Variants in SPAG16 observed in about 807,000 individuals in gnomAD.
SPAG16 encodes sperm associated antigen 16.
In SPAG16, 86 loss-of-function variants were observed where a neutral mutation model predicts 80.4. The observed-to-expected ratio is 1.07, with a 90% confidence interval of 0.90 to 1.28. The LOEUF (loss-of-function observed/expected upper bound fraction) is 1.28, where lower values mean the gene tolerates loss of function less well. Among genes scored for constraint, SPAG16 ranks in the 50% most tolerant of loss-of-function variants. The probability of loss-of-function intolerance (pLI) is 0.00; values close to 1 mark genes in which losing one functional copy is unlikely to be tolerated. For missense variants in SPAG16, 870 were observed against 765.3 expected (o/e 1.14, Z -1.61); for synonymous variants, 294 against 265.9 (o/e 1.11, Z -1.03).
intron 12 of SPAG16, 147 bp downstream of exon 12, chr2:213,930,292 T>G (rs1381679580): frequency 2.0e-6 from 1 of 500,368 alleles, no homozygotes; most frequent in Admixed American, 4.0e-5. Flanking sequence ...GAGAGCTACT[T>G]AAATAATCTT....
At chr2:213,354,570 A>G (rs1168110831) in intron 7 of SPAG16, among the ~76,000 whole-genome samples, 1 of 152,144 alleles carries the variant, frequency 6.6e-6, no homozygotes, top group Non-Finnish European at 1.5e-5. Context: ...CTTTTTAATG[A>G]TCGCCATTGC....
At chr2:213,859,178 CAAAAAAAAAAAAAA>C (rs1165853142) in intron 10 of SPAG16, among the ~76,000 whole-genome samples, 2 of 9,364 alleles carry the variant, frequency 2.1e-4, no homozygotes, top group African/African-American at 9.9e-4. Context: ...CACTCCGTCT[CAAAAAAAAAAAAAA>C]AAAAAAAAAA....
intron 3 of SPAG16, among the ~76,000 whole-genome samples, chr2:213,303,717 T>C (rs1202725346): frequency 1.3e-5 from 2 of 152,162 alleles, no homozygotes; most frequent in Non-Finnish European, 2.9e-5. Context: ...ATCTCATTCT[T>C]TTTGATGGCT....
chr2:214,248,319 AT>A (rs1401625195), intron 15 of SPAG16, among the ~76,000 whole-genome samples: 1 of 120,708 alleles, frequency 8.3e-6, no homozygotes, highest in East Asian at 2.3e-4. Context: ...TATTATTATT[AT>A]TATTATTATT....
At position 213,620,281 on chromosome 2, in the gene SPAG16, GTTTTTTTTTT is replaced by G. The variant is rs36059669; in HGVS notation, c.1070+130211_1070+130220del. ...AATGTAGTTAACAATAATTTATTGA[GTTTTTTTTTT>G]TTTTTTTTTTTTTTTTTTTGAGACG... On this transcript the variant is annotated intron_variant, in intron 10 of 15. Coordinates refer to ENST00000331683, the MANE Select transcript of SPAG16 (RefSeq NM_024532.5). 1.7e-3 allele frequency among the ~76,000 whole-genome samples: 141 copies of G among 82,824 alleles called. 1 individual carries two copies. The highest frequency in any genetic ancestry group is 5.9e-3 in the African/African-American group (112 of 18,970). The allele number at this position is 82,824 out of a possible 152,430, so 54.3% of individuals were successfully genotyped here. A position where few individuals can be genotyped will look rare whatever the true frequency, so the allele number is the denominator to read the frequency against.
intron 12 of SPAG16, among the ~76,000 whole-genome samples, chr2:213,943,777 G>A (rs2079317268): frequency 6.6e-6 from 1 of 152,092 alleles, no homozygotes. Context: ...CATGTTGCAG[G>A]GGAACACAAG....
At chr2:213,298,643 G>A (rs1214419946) in intron 3 of SPAG16, among the ~76,000 whole-genome samples, 1 of 152,182 alleles carries the variant, frequency 6.6e-6, no homozygotes, top group Non-Finnish European at 1.5e-5. Flanking sequence ...GGTCGAAAGT[G>A]TTTGTAATGC....
chr2:214,394,974 G>A (rs1478824573), intron 15 of SPAG16, among the ~76,000 whole-genome samples: 1 of 152,124 alleles, frequency 6.6e-6, no homozygotes, highest in East Asian at 1.9e-4. Flanking sequence ...TGTAGCGTTG[G>A]CCGATTGGCT....
intron 9 of SPAG16, among the ~76,000 whole-genome samples, chr2:213,376,826 A>G (rs962969918): frequency 6.6e-6 from 1 of 152,206 alleles, no homozygotes; most frequent in Non-Finnish European, 1.5e-5. Flanking sequence ...ATGTTTAAGT[A>G]AATGTAATTT....
chr2:213,835,864 G>C (rs910599811), intron 10 of SPAG16, among the ~76,000 whole-genome samples: 1 of 152,066 alleles, frequency 6.6e-6, no homozygotes, highest in Admixed American at 6.6e-5. Context: ...CTTATTAAAA[G>C]CAGAGTAAGA....
intron 15 of SPAG16, among the ~76,000 whole-genome samples, chr2:214,268,213 AGGT>A (rs1017461303): frequency 4.1e-4 from 63 of 152,012 alleles, no homozygotes; most frequent in African/African-American, 1.5e-3. Context: ...CATACACTGT[AGGT>A]GGTATTGCAA....
intron 12 of SPAG16, among the ~76,000 whole-genome samples, chr2:213,965,867 T>C (rs1575671375): frequency 6.6e-6 from 1 of 152,324 alleles, no homozygotes; most frequent in East Asian, 1.9e-4. Flanking sequence ...TGGAATAACA[T>C]AGCTACTCTA....
intron 10 of SPAG16, among the ~76,000 whole-genome samples, chr2:213,545,131 C>T (rs2076572101): frequency 6.6e-6 from 1 of 152,116 alleles, no homozygotes; most frequent in Admixed American, 6.5e-5. Flanking sequence ...GATCCACATC[C>T]TTACCAGCAT....
At chr2:214,016,851 G>C (rs1292041088) in intron 13 of SPAG16, among the ~76,000 whole-genome samples, 1 of 152,028 alleles carries the variant, frequency 6.6e-6, no homozygotes, top group Non-Finnish European at 1.5e-5. Context: ...CATAATTTCT[G>C]GTTCCTGGGT....
chr2:213,640,924 A>C (rs1483679688), intron 10 of SPAG16, among the ~76,000 whole-genome samples: 1 of 151,758 alleles, frequency 6.6e-6, no homozygotes, highest in Non-Finnish European at 1.5e-5. Context: ...AGTAGTATAG[A>C]GGGGATACAC....
chr2:213,384,880 T>C (rs888986774), intron 9 of SPAG16, among the ~76,000 whole-genome samples: 1 of 152,218 alleles, frequency 6.6e-6, no homozygotes, highest in Non-Finnish European at 1.5e-5. Context: ...CCTAGCGTTC[T>C]ATGGTTCAGG....
At chr2:213,294,940 A>T (rs1353993568) in intron 1 of SPAG16, among the ~76,000 whole-genome samples, 1 of 152,182 alleles carries the variant, frequency 6.6e-6, no homozygotes, top group East Asian at 1.9e-4. Flanking sequence ...CCAGCCTCAT[A>T]GGCAGGATGA....
At chr2:213,846,578 A>G (rs1288156034) in intron 10 of SPAG16, among the ~76,000 whole-genome samples, 1 of 152,054 alleles carries the variant, frequency 6.6e-6, no homozygotes, top group Non-Finnish European at 1.5e-5. Flanking sequence ...AAATAATATA[A>G]TTATAAATAA....
intron 15 of SPAG16, among the ~76,000 whole-genome samples, chr2:214,298,612 G>GAAGT (rs1183716441): frequency 6.6e-6 from 1 of 152,116 alleles, no homozygotes; most frequent in African/African-American, 2.4e-5. Flanking sequence ...TTATCCTGGG[G>GAAGT]AAGTAAGCAG....
Sources: allele counts gnomAD v4.1 joint callset (sites outside exome capture counted in the v4.1 genomes callset), GRCh38; gene constraint gnomAD v4.1.1; transcripts MANE v1.5; gene names NCBI Gene and HGNC (gene_info 2026-07-23, HGNC 2026-07-21).